KLHL13: variants seen among roughly 807,000 people sequenced by gnomAD.
KLHL13 encodes kelch-like protein 13.
A neutral mutation model predicts 37.1 loss-of-function variants in KLHL13; 10 were observed. That is an observed-to-expected ratio of 0.27 (90% CI 0.17 to 0.46). The LOEUF (loss-of-function observed/expected upper bound fraction) is 0.46. Ranked by LOEUF, KLHL13 falls within the 20% of genes least tolerant of loss-of-function variation. KLHL13 has a pLI of 1.00. For synonymous variants in KLHL13, 163 were observed against 181.2 expected, an observed-to-expected ratio of 0.90 and a Z score of 0.81; for missense variants, 360 against 509.3, an observed-to-expected ratio of 0.71 and a Z score of 2.82.
chrX:117,953,063 C>T (rs1438271060), intron 1 of KLHL13, among the ~76,000 whole-genome samples: 2 of 110,612 alleles, frequency 1.8e-5, no homozygotes, highest in African/African-American at 3.3e-5. Flanking sequence ...GAGTATATAC[C>T]CAAAGGACTA....
intron 1 of KLHL13, among the ~76,000 whole-genome samples, chrX:117,979,734 G>T (rs1452909885): frequency 1.8e-5 from 2 of 111,201 alleles, no homozygotes; most frequent in Non-Finnish European, 3.8e-5. Context: ...GAAAAAATAT[G>T]TAGAAACATA....
intron 1 of KLHL13, among the ~76,000 whole-genome samples, chrX:118,045,996 A>C (rs2054556356): frequency 9.0e-6 from 1 of 111,603 alleles, no homozygotes; most frequent in Non-Finnish European, 1.9e-5. Flanking sequence ...TCCTCAACAA[A>C]CTAAAAATAG....
chrX:117,979,594 T>C (rs2053637021), intron 1 of KLHL13, among the ~76,000 whole-genome samples: 1 of 111,618 alleles, frequency 9.0e-6, no homozygotes, highest in African/African-American at 3.3e-5. Context: ...CAGAATTATA[T>C]ATTGAAGCCA....
intron 1 of KLHL13, among the ~76,000 whole-genome samples, chrX:117,960,472 T>A (rs1436690500): frequency 2.7e-5 from 3 of 110,544 alleles, no homozygotes; most frequent in African/African-American, 9.9e-5. Flanking sequence ...TCAGTAGATG[T>A]TACCTGACAC....
chrX:118,116,107 G>A (rs780089340), intron 1 of KLHL13, among the ~76,000 whole-genome samples: 3 of 111,849 alleles, frequency 2.7e-5, no homozygotes, highest in African/African-American at 9.7e-5. Context: ...GGATTAGGAG[G>A]CACAAAGCAG....
chrX:118,018,927 C>A (rs2054161897), intron 1 of KLHL13, among the ~76,000 whole-genome samples: 1 of 110,908 alleles, frequency 9.0e-6, no homozygotes, highest in African/African-American at 3.3e-5. Flanking sequence ...CTTTTTATTT[C>A]TTTCTATTTT....
At chrX:118,101,283 G>A (rs192676336) in intron 1 of KLHL13, among the ~76,000 whole-genome samples, 64 of 111,657 alleles carry the variant, frequency 5.7e-4, no homozygotes, top group African/African-American at 1.9e-3. Flanking sequence ...CTTAATCAAG[G>A]AGTCATAATT....
intron 2 of KLHL13, among the ~76,000 whole-genome samples, chrX:117,939,379 G>C (rs1932913154): frequency 8.9e-6 from 1 of 112,015 alleles, no homozygotes; most frequent in South Asian, 3.7e-4. Context: ...TTGCTATTGT[G>C]AACAGTGCTG....
chrX:117,919,752 G>A lies in KLHL13; in HGVS notation c.374-35C>T, dbSNP rs1251016312. 4 of 1,035,950 alleles carry A rather than the reference G, an allele frequency of 3.9e-6. No individual in the cohort carries two copies. In the Admixed American group the frequency reaches 7.4e-5, roughly 19 times the overall value. 85.4% of individuals were successfully genotyped at this position (1,035,950 alleles called of 1,213,427 possible). On this transcript the variant is annotated intron_variant, in intron 3 of 6. Transcript: ENST00000262820. ...AAAGACATTCAATTAAATGAAGGTG[G>A]ATAATTATGGTCAAACTCACTTCTG...
At chrX:117,989,059 A>G (rs2053758360) in intron 1 of KLHL13, among the ~76,000 whole-genome samples, 1 of 111,615 alleles carries the variant, frequency 9.0e-6, no homozygotes, top group Non-Finnish European at 1.9e-5. Flanking sequence ...TCAAAGACTA[A>G]AGGGCAGACA....
At chrX:118,092,212 A>T (rs1425463387) in intron 1 of KLHL13, among the ~76,000 whole-genome samples, 3 of 112,154 alleles carry the variant, frequency 2.7e-5, no homozygotes, top group Admixed American at 9.5e-5. Context: ...TATTGAAATT[A>T]AAAAATACAT....
At chrX:118,028,342 C>T in intron 1 of KLHL13, 82 bp downstream of exon 2, 2 of 591,090 alleles carry the variant, frequency 3.4e-6, no homozygotes, top group Non-Finnish European at 5.4e-6. Flanking sequence ...AAGTATTCAA[C>T]AAATATTTAT....
intron 1 of KLHL13, among the ~76,000 whole-genome samples, chrX:118,089,606 GAGAGAGAAAGAA>G (rs1203497818): frequency 9.1e-5 from 7 of 76,740 alleles, no homozygotes; most frequent in African/African-American, 3.5e-4. Context: ...GAGAGAGAGA[GAGAGAGAAAGAA>G]AGAGAAAGAA....
intron 1 of KLHL13, among the ~76,000 whole-genome samples, chrX:118,058,699 C>A (rs1359834245): frequency 8.9e-6 from 1 of 111,805 alleles, no homozygotes; most frequent in African/African-American, 3.3e-5. Flanking sequence ...CAATAATAAT[C>A]AATTGCAAAA....
intron 1 of KLHL13, among the ~76,000 whole-genome samples, chrX:118,090,179 A>C (rs900641919): frequency 1.8e-5 from 2 of 110,920 alleles, no homozygotes; most frequent in African/African-American, 6.5e-5. Context: ...TAAAACCATA[A>C]AAAACCCTAG....
chrX:117,913,789 G>A (rs1931150214), intron 4 of KLHL13, among the ~76,000 whole-genome samples: 1 of 106,838 alleles, frequency 9.4e-6, no homozygotes, highest in African/African-American at 3.4e-5. Context: ...GTTGCTGTGA[G>A]CCAAGACCGC....
At chrX:118,079,077 T>A (rs1055071623) in intron 1 of KLHL13, among the ~76,000 whole-genome samples, 2 of 110,759 alleles carry the variant, frequency 1.8e-5, no homozygotes, top group African/African-American at 6.5e-5. Context: ...AAAATAATAG[T>A]AACATACAAA....
At chrX:117,900,324 C>A (rs1187463233) in intron 6 of KLHL13, among the ~76,000 whole-genome samples, 1 of 112,039 alleles carries the variant, frequency 8.9e-6, no homozygotes, top group Non-Finnish European at 1.9e-5. Context: ...TTACAGAATT[C>A]CCAGAAAGCA....
At chrX:117,962,373 G>C (rs893125623) in intron 1 of KLHL13, among the ~76,000 whole-genome samples, 2 of 109,459 alleles carry the variant, frequency 1.8e-5, no homozygotes, top group Non-Finnish European at 3.8e-5. Flanking sequence ...ATGTCTGCAG[G>C]AAAGTACTAA....
Sources: gnomAD v4.1 joint callset for allele counts (sites outside exome capture counted in the v4.1 genomes callset) on GRCh38, gnomAD v4.1.1 for gene constraint, MANE v1.5 for transcripts, NCBI Gene and HGNC (gene_info 2026-07-23, HGNC 2026-07-21) for gene names.